The following HSD17B11 variants were observed in gnomAD, a reference collection of about 807,000 sequenced individuals.
HSD17B11 encodes hydroxysteroid 17-beta dehydrogenase 11, also known as estradiol 17-beta-dehydrogenase 11.
In HSD17B11, 22 loss-of-function variants were observed where a neutral mutation model predicts 27.8. The observed-to-expected ratio is 0.79, with a 90% CI of 0.56 to 1.13. HSD17B11 has a LOEUF of 1.13. Ranked by LOEUF, HSD17B11 falls within the 50% of genes most tolerant of loss-of-function variation. The pLI is 0.00. For missense variants in HSD17B11, 314 were observed against 351.1 expected, an observed-to-expected ratio of 0.89 and a Z score of 0.84; for synonymous variants, 117 against 132.8, an observed-to-expected ratio of 0.88 and a Z score of 0.82.
At chr4:87,383,898 G>C (rs75579487) in intron 1 of HSD17B11, among the ~76,000 whole-genome samples, 5,192 of 151,844 alleles carry the variant, frequency 0.034, 328 homozygotes, top group African/African-American at 0.12. Flanking sequence ...AATTACTTTT[G>C]CATCAACCTA....
rs144594763 is a variant in HSD17B11 at position 87,391,179 on chromosome 4, A to T, written c.-109T>A. 660 of 734,648 alleles carry T rather than the reference A, an allele frequency of 9.0e-4. 7 individuals are homozygous for T. The African/African-American group carries it at 0.011, about 13-fold the overall frequency. The allele number at this position is 734,648 out of a possible 1,614,324, so 45.5% of individuals were successfully genotyped here. On this transcript the variant is annotated 5_prime_UTR_variant, in exon 1 of 7. In the 5' UTR this introduces an upstream ATG that the reference lacks. Coordinates refer to ENST00000358290, the MANE Select transcript of HSD17B11 (RefSeq NM_016245.5). ...ACCAGAAAGAGTAGGGGCGAGAGCA[A>T]GGAGGAACTCCCGTATCAAAGAAAA...
chr4:87,339,274 A>G (rs1735119186), intron 6 of HSD17B11, among the ~76,000 whole-genome samples: 1 of 152,216 alleles, frequency 6.6e-6, no homozygotes, highest in African/African-American at 2.4e-5. Context: ...GAGCTTTACT[A>G]TCTAAACCTC....
intron 2 of HSD17B11, among the ~76,000 whole-genome samples, chr4:87,377,698 C>T (rs77380162): frequency 0.057 from 8,622 of 151,998 alleles, 835 homozygotes; most frequent in African/African-American, 0.2. Flanking sequence ...GATGCTTGGG[C>T]GGATAGACCC....
chr4:87,391,138 G>A lies in HSD17B11; in HGVS notation c.-68C>T. The A allele has an allele frequency of 8.1e-7, 1 of 1,229,306 alleles. No homozygotes were observed. The highest frequency in any genetic ancestry group is 1.1e-6 in the Non-Finnish European group (1 of 875,606). 76.1% of individuals were successfully genotyped at this position (1,229,306 alleles called of 1,614,324 possible). On this transcript the variant is annotated 5_prime_UTR_variant, in exon 1 of 7. Coordinates refer to ENST00000358290, the MANE Select transcript of HSD17B11 (RefSeq NM_016245.5). ...TTACCACTCTAAACTGCTTTTAGAG[G>A]GTAGCTCGATCTAACACCAGAAAGA...
At chr4:87,357,657 G>A (rs983160321) in intron 4 of HSD17B11, among the ~76,000 whole-genome samples, 2 of 152,166 alleles carry the variant, frequency 1.3e-5, no homozygotes, top group East Asian at 3.8e-4. Context: ...TACGGAATAA[G>A]AACATTTCCT....
At position 87,362,771 on chromosome 4, in the gene HSD17B11, C is replaced by T. The variant is rs114053518; in HGVS notation, c.558-5355G>A. Among the ~76,000 whole-genome samples, 608 of 152,196 alleles carry T rather than the reference C, an allele frequency of 4.0e-3. 3 individuals are homozygous for T. The highest frequency in any genetic ancestry group is 0.014 in the African/African-American group (567 of 41,504). Reference sequence around the variant, plus strand: ...CTAAAAGGGGAAACTTGAGAGCTGACAGGATTGCTGAAAAAGATCCCTGCT... The same window carrying T: ...CTAAAAGGGGAAACTTGAGAGCTGATAGGATTGCTGAAAAAGATCCCTGCT... On this transcript the variant is annotated intron_variant, in intron 4 of 6. Coordinates refer to ENST00000358290, the MANE Select transcript of HSD17B11 (RefSeq NM_016245.5).
intron 6 of HSD17B11, among the ~76,000 whole-genome samples, chr4:87,339,151 T>A (rs1032699879): frequency 6.6e-6 from 1 of 152,218 alleles, no homozygotes; most frequent in African/African-American, 2.4e-5. Flanking sequence ...CCTTCTTCTA[T>A]AGGTTTATAT....
rs561938045 is a variant in HSD17B11, at chr4:87,380,863, C to CAAAAAAAAAAAAAA, written c.318+1378_318+1391dup. 3.9e-4 allele frequency among the ~76,000 whole-genome samples: 29 copies of CAAAAAAAAAAAAAA among 74,726 alleles called. 1 individual carries two copies. The highest frequency in any genetic ancestry group is 6.0e-4 in the African/African-American group (11 of 18,474). 49.0% of individuals were successfully genotyped at this position (74,726 alleles called of 152,430 possible). ...ACAAAGCTAGAGCTAGACTCTATCT[C>CAAAAAAAAAAAAAA]AAAAAAAAAAAAAAAAAAAAAAAAA... On this transcript the variant is annotated intron_variant, in intron 2 of 6. Coordinates refer to ENST00000358290, the MANE Select transcript of HSD17B11 (RefSeq NM_016245.5).
At chr4:87,376,229 A>T (rs1735821341) in intron 2 of HSD17B11, among the ~76,000 whole-genome samples, 1 of 152,056 alleles carries the variant, frequency 6.6e-6, no homozygotes. Context: ...ATATTGGCCA[A>T]ATGAGGTGGC....
chr4:87,368,858 A>G (rs1578041187), intron 4 of HSD17B11, among the ~76,000 whole-genome samples: 1 of 152,230 alleles, frequency 6.6e-6, no homozygotes, highest in Admixed American at 6.5e-5. Context: ...TACATGGTCT[A>G]AAAAGGGGAG....
At chr4:87,390,601 A>T (rs1720433065) in intron 1 of HSD17B11, among the ~76,000 whole-genome samples, 1 of 152,160 alleles carries the variant, frequency 6.6e-6, no homozygotes, top group Admixed American at 6.5e-5. Context: ...GTTCAGGAAA[A>T]AATTATGAGT....
intron 5 of HSD17B11, among the ~76,000 whole-genome samples, chr4:87,353,083 C>T (rs9684659): frequency 3.9e-5 from 4 of 103,366 alleles, no homozygotes; most frequent in Admixed American, 1.8e-4. Context: ...CCGTCTTCTG[C>T]GTCGCTCACG....
chr4:87,391,099 G>GTTTTTT lies in HSD17B11; in HGVS notation c.-35_-30dup. ...TTTTGTGGCTGCGAGCGTTTGGTGT[G>GTTTTTT]TTTTTTTTTTTTTTTACCACTCTAA... On this transcript the variant is annotated 5_prime_UTR_variant, in exon 1 of 7. Transcript: ENST00000358290. 2.3e-6 allele frequency: 3 copies of GTTTTTT among 1,291,338 alleles called. No individual in the cohort carries two copies. The highest frequency in any genetic ancestry group is 3.2e-6 in the Non-Finnish European group (3 of 945,820). 80.0% of individuals were successfully genotyped at this position (1,291,338 alleles called of 1,614,324 possible).
intron 2 of HSD17B11, 105 bp from the exon 3 acceptor site, chr4:87,374,935 C>T: frequency 1.2e-6 from 1 of 851,072 alleles, no homozygotes; most frequent in Non-Finnish European, 1.7e-6. Flanking sequence ...GCTCTGTTGC[C>T]CAGGCTGCAG....
At chr4:87,353,966 C>T (rs1235357163) in intron 5 of HSD17B11, among the ~76,000 whole-genome samples, 4 of 152,216 alleles carry the variant, frequency 2.6e-5, no homozygotes, top group African/African-American at 9.6e-5. Context: ...ACCTGAAAAA[C>T]ATATCTGTCC....
chr4:87,375,087 T>G (rs2110126389), intron 2 of HSD17B11, among the ~76,000 whole-genome samples: 1 of 152,228 alleles, frequency 6.6e-6, no homozygotes, highest in East Asian at 1.9e-4. Flanking sequence ...TTAGTAGAGA[T>G]TGGATTTCAC....
chr4:87,376,737 T>C (rs1388476732), intron 2 of HSD17B11, among the ~76,000 whole-genome samples: 1 of 152,180 alleles, frequency 6.6e-6, no homozygotes, highest in East Asian at 1.9e-4. Context: ...TCAAAGGTTG[T>C]TGCAGCTATC....
intron 5 of HSD17B11, among the ~76,000 whole-genome samples, chr4:87,346,057 T>G (rs1220615588): frequency 6.6e-6 from 1 of 152,126 alleles, no homozygotes; most frequent in Non-Finnish European, 1.5e-5. Flanking sequence ...ATTGGCAAAT[T>G]AAATCTAGCA....
chr4:87,383,633 T>G (rs1439012727), intron 1 of HSD17B11, among the ~76,000 whole-genome samples: 2 of 152,116 alleles, frequency 1.3e-5, no homozygotes, highest in African/African-American at 4.8e-5. Context: ...GAAAAGGGGT[T>G]ATGAGTCCAA....
Sources: allele counts gnomAD v4.1 joint callset (sites outside exome capture counted in the v4.1 genomes callset), GRCh38; gene constraint gnomAD v4.1.1; transcripts MANE v1.5; gene names NCBI Gene and HGNC (gene_info 2026-07-23, HGNC 2026-07-21).